The following CHSY3 variants were observed in gnomAD, a reference collection of about 807,000 sequenced individuals.
CHSY3 encodes N-acetylgalactosaminyl-proteoglycan 3-beta-glucuronosyltransferase 3.
In CHSY3, 35 loss-of-function variants were observed where a neutral mutation model predicts 67.2. The ratio of observed to expected loss-of-function variants is 0.52; its 90% CI spans 0.40 to 0.69. The LOEUF is 0.69. Ranked by LOEUF, CHSY3 falls within the 30% of genes least tolerant of loss-of-function variation. The pLI, the probability that CHSY3 is intolerant of heterozygous loss-of-function variation, is 0.00. For synonymous variants in CHSY3, 474 were observed against 434.7 expected (o/e 1.09, Z -1.12); for missense variants, 1,069 against 1,138.5 (o/e 0.94, Z 0.88).
intron 2 of CHSY3, among the ~76,000 whole-genome samples, chr5:130,078,905 T>C (rs1242377426): frequency 2.0e-5 from 3 of 152,176 alleles, no homozygotes; most frequent in Admixed American, 6.6e-5. Flanking sequence ...ATGTCTATTA[T>C]ACTCAGTCTC....
At chr5:130,071,082 A>G (rs1252658637) in intron 2 of CHSY3, among the ~76,000 whole-genome samples, 1 of 152,004 alleles carries the variant, frequency 6.6e-6, no homozygotes, top group Non-Finnish European at 1.5e-5. Context: ...TTTCGAGATT[A>G]TATCAGTTTA....
intron 2 of CHSY3, chr5:129,974,824 A>T (rs1437218211): frequency 6.6e-6 from 1 of 152,160 alleles, no homozygotes; most frequent in Non-Finnish European, 1.5e-5. Context: ...TTTTACATGA[A>T]CATATATTAT....
chr5:130,162,171 A>G (rs531996624), intron 2 of CHSY3, among the ~76,000 whole-genome samples: 60 of 152,044 alleles, frequency 3.9e-4, no homozygotes, highest in African/African-American at 1.4e-3. Context: ...CATTTTTGTG[A>G]TATAAAAAAG....
intron 2 of CHSY3, among the ~76,000 whole-genome samples, chr5:130,020,571 C>T (rs1355990385): frequency 6.7e-6 from 1 of 149,576 alleles, no homozygotes; most frequent in Non-Finnish European, 1.5e-5. Flanking sequence ...TTTCACACTG[C>T]CCCTTCAAAG....
At chr5:129,953,135 C>A (rs559866049) in intron 2 of CHSY3, among the ~76,000 whole-genome samples, 48 of 152,242 alleles carry the variant, frequency 3.2e-4, no homozygotes, top group African/African-American at 1.1e-3. Context: ...CCCCTATCCC[C>A]CTACCCCCAA....
intron 2 of CHSY3, among the ~76,000 whole-genome samples, chr5:130,094,319 G>C (rs986330889): frequency 2.0e-5 from 3 of 152,022 alleles, no homozygotes; most frequent in African/African-American, 4.8e-5. Context: ...TATATATTTA[G>C]GCCTAAATAG....
At chr5:130,118,254 G>T (rs115835327) in intron 2 of CHSY3, among the ~76,000 whole-genome samples, 1,961 of 152,226 alleles carry the variant, frequency 0.013, 44 homozygotes, top group African/African-American at 0.045. Context: ...TGGACTAAGA[G>T]AATTAGTAAC....
At chr5:130,073,672 C>T (rs1225526261) in intron 2 of CHSY3, among the ~76,000 whole-genome samples, 1 of 152,040 alleles carries the variant, frequency 6.6e-6, no homozygotes, top group Non-Finnish European at 1.5e-5. Flanking sequence ...AGGCATGAGC[C>T]CCTGCACCTA....
chr5:129,992,922 T>C (rs1018422704), intron 2 of CHSY3, among the ~76,000 whole-genome samples: 2 of 152,212 alleles, frequency 1.3e-5, no homozygotes, highest in Non-Finnish European at 2.9e-5. Flanking sequence ...TTATTATCGT[T>C]GTAATTGGTA....
chr5:130,004,916 T>TATTTG (rs1221480539), intron 2 of CHSY3, among the ~76,000 whole-genome samples: 1 of 152,194 alleles, frequency 6.6e-6, no homozygotes, highest in Non-Finnish European at 1.5e-5. Context: ...TAAATAACTT[T>TATTTG]ATATCATTAT....
chr5:130,056,148 A>G (rs144587128), intron 2 of CHSY3, among the ~76,000 whole-genome samples: 96 of 152,154 alleles, frequency 6.3e-4, no homozygotes, highest in Admixed American at 4.3e-3. Flanking sequence ...TAACTTCTCC[A>G]GGTTGGATGC....
upstream of CHSY3, chr5:129,904,435 A>C (rs1479070680): frequency 3.1e-5 from 5 of 163,118 alleles, no homozygotes; most frequent in Non-Finnish European, 6.6e-5. Flanking sequence ...GGGCTCGGGA[A>C]GGAGGGAGGA....
intron 2 of CHSY3, among the ~76,000 whole-genome samples, chr5:129,978,350 A>G (rs532718917): frequency 5.7e-4 from 87 of 152,300 alleles, no homozygotes; most frequent in Admixed American, 2.2e-3. Flanking sequence ...TTTTGCCAAT[A>G]CAAATTATGC....
chr5:130,081,921 C>T (rs1352677775), intron 2 of CHSY3, among the ~76,000 whole-genome samples: 1 of 152,036 alleles, frequency 6.6e-6, no homozygotes, highest in Admixed American at 6.6e-5. Flanking sequence ...AAATATCTGT[C>T]TCAAAGATTT....
chr5:129,956,862 T>A (rs1322984094), intron 2 of CHSY3, among the ~76,000 whole-genome samples: 1 of 152,178 alleles, frequency 6.6e-6, no homozygotes, highest in Non-Finnish European at 1.5e-5. Flanking sequence ...TTTTCGTTAC[T>A]GTAGCTCTTT....
intron 2 of CHSY3, among the ~76,000 whole-genome samples, chr5:129,927,969 T>G (rs1274568259): frequency 6.6e-6 from 1 of 152,086 alleles, no homozygotes; most frequent in African/African-American, 2.4e-5. Flanking sequence ...TAATTTTATG[T>G]GATTCTTATT....
intron 2 of CHSY3, among the ~76,000 whole-genome samples, chr5:130,130,285 C>T (rs889638004): frequency 3.3e-5 from 5 of 152,080 alleles, no homozygotes; most frequent in African/African-American, 9.7e-5. Flanking sequence ...ATAGTTTATG[C>T]ATTTCTGACT....
At chr5:130,174,902 C>T (rs966231701) in intron 2 of CHSY3, among the ~76,000 whole-genome samples, 14 of 152,132 alleles carry the variant, frequency 9.2e-5, no homozygotes, top group Admixed American at 6.5e-5. Flanking sequence ...AATCTAAGCA[C>T]TTCGTTGCAA....
intron 2 of CHSY3, among the ~76,000 whole-genome samples, chr5:130,056,380 T>A (rs1251878587): frequency 6.6e-6 from 1 of 152,234 alleles, no homozygotes; most frequent in Non-Finnish European, 1.5e-5. Context: ...GTTCCCATCT[T>A]TAGAATTTTT....
Sources: gnomAD v4.1 joint callset for allele counts (sites outside exome capture counted in the v4.1 genomes callset) on GRCh38, gnomAD v4.1.1 for gene constraint, MANE v1.5 for transcripts, NCBI Gene and HGNC (gene_info 2026-07-23, HGNC 2026-07-21) for gene names.